The following MACROD2 variants were observed in gnomAD, a reference collection of about 807,000 sequenced individuals.
MACROD2 encodes mono-ADP ribosylhydrolase 2, also known as ADP-ribose glycohydrolase MACROD2.
MACROD2 carries 36 observed loss-of-function variants against 70.4 expected under a neutral mutation model. The observed-to-expected ratio is 0.51, with a 90% CI of 0.39 to 0.68. MACROD2 has a LOEUF of 0.68. Ranked by LOEUF, MACROD2 falls within the 30% of genes least tolerant of loss-of-function variation. The probability of loss-of-function intolerance (pLI) is 0.00; values close to 1 mark genes in which losing one functional copy is unlikely to be tolerated. For missense variants in MACROD2, 496 were observed against 538.4 expected, an observed-to-expected ratio of 0.92 and a Z score of 0.78; for synonymous variants, 172 against 178.8, an observed-to-expected ratio of 0.96 and a Z score of 0.30.
chr20:15,646,791 G>T (rs459103), intron 8 of MACROD2, among the ~76,000 whole-genome samples: 114,062 of 151,676 alleles, frequency 0.75, 43,505 homozygotes, highest in East Asian at 0.96. Context: ...CTCCTTCGCC[G>T]TCCACCATGA....
chr20:15,577,622 T>C (rs2048467079), intron 8 of MACROD2, among the ~76,000 whole-genome samples: 1 of 128,186 alleles, frequency 7.8e-6, no homozygotes, highest in South Asian at 2.3e-4. Flanking sequence ...CGTGCGTGCG[T>C]ACTCCCTGCG....
chr20:15,362,542 G>A (rs1398886492), intron 6 of MACROD2, among the ~76,000 whole-genome samples: 5 of 151,780 alleles, frequency 3.3e-5, no homozygotes, highest in Non-Finnish European at 5.9e-5. Context: ...TTCCTGCATC[G>A]ATACAATTTT....
intron 6 of MACROD2, among the ~76,000 whole-genome samples, chr20:15,365,660 CAAAAAA>C (rs34038906): frequency 9.4e-4 from 105 of 112,048 alleles, no homozygotes; most frequent in Middle Eastern, 0.01. Context: ...GGCTCTGTCT[CAAAAAA>C]AAAAAAAATT....
intron 3 of MACROD2, among the ~76,000 whole-genome samples, chr20:14,409,172 G>A (rs1261868716): frequency 8.3e-6 from 1 of 120,828 alleles, no homozygotes; most frequent in East Asian, 2.6e-4. Context: ...TTTTCCAAAC[G>A]TATCCCCTAG....
Position 15,394,003 on chromosome 20 carries a change from G to A in MACROD2, c.541-37402G>A, listed in dbSNP as rs371704874. ...ATATCTTAATAGTGATGCTGATGAAGAGAAAGAATAGAACAGATTTAAAGG... is the reference window on the plus strand; with the variant it reads ...ATATCTTAATAGTGATGCTGATGAAAAGAAAGAATAGAACAGATTTAAAGG... On this transcript the variant is annotated intron_variant, in intron 6 of 17. Transcript: ENST00000684519. Among the ~76,000 whole-genome samples the A allele has an allele frequency of 5.9e-5, 9 of 152,178 alleles. No homozygotes were observed. In the South Asian group the frequency reaches 6.2e-4, roughly 11 times the overall value.
At chr20:14,379,303 T>C (rs2083400648) in intron 3 of MACROD2, among the ~76,000 whole-genome samples, 1 of 152,188 alleles carries the variant, frequency 6.6e-6, no homozygotes, top group Non-Finnish European at 1.5e-5. Context: ...TTCCCATCTG[T>C]GTTATCAGGT....
At chr20:15,178,319 C>A (rs990276178) in intron 5 of MACROD2, among the ~76,000 whole-genome samples, 3 of 152,190 alleles carry the variant, frequency 2.0e-5, no homozygotes, top group Admixed American at 6.5e-5. Context: ...TCTAAAGTAA[C>A]CTTAGTAGTG....
At chr20:15,241,818 C>G (rs1244629046) in intron 6 of MACROD2, among the ~76,000 whole-genome samples, 2 of 149,504 alleles carry the variant, frequency 1.3e-5, no homozygotes, top group African/African-American at 4.9e-5. Context: ...CTTTAAATTC[C>G]TTGGGCTATT....
chr20:14,985,019 G>A (rs148697635), intron 5 of MACROD2, among the ~76,000 whole-genome samples: 14 of 152,260 alleles, frequency 9.2e-5, no homozygotes, highest in Middle Eastern at 3.4e-3. Flanking sequence ...GTGACCTTAC[G>A]TACTTCACAC....
chr20:15,212,292 C>A (rs2076770971), intron 5 of MACROD2, among the ~76,000 whole-genome samples: 1 of 152,082 alleles, frequency 6.6e-6, no homozygotes, highest in Non-Finnish European at 1.5e-5. Context: ...TTTAAACTTC[C>A]TTTCTTCTCA....
intron 5 of MACROD2, among the ~76,000 whole-genome samples, chr20:15,128,650 A>G (rs898868571): frequency 1.3e-5 from 2 of 152,064 alleles, no homozygotes; most frequent in Non-Finnish European, 2.9e-5. Context: ...TATATACATT[A>G]TCATTTGCTT....
At chr20:14,091,685 C>T (rs2148672918) in intron 3 of MACROD2, among the ~76,000 whole-genome samples, 1 of 151,964 alleles carries the variant, frequency 6.6e-6, no homozygotes, top group South Asian at 2.1e-4. Flanking sequence ...TTTAAGGTTG[C>T]CTTTTTTCAC....
rs572947164 is a variant in MACROD2, at chr20:14,577,204, CAA to C, written c.301+83698_301+83699del. Among the ~76,000 whole-genome samples the C allele has an allele frequency of 1.6e-4, 24 of 152,190 alleles. No individual in the cohort carries two copies. The East Asian group carries it at 4.6e-3, about 29-fold the overall frequency. Reference sequence around the variant, plus strand: ...AATCATTGAGGATATAATATTAAAACAAAGAGAGATTTTAAAATTCTAAAATG... The same window carrying C: ...AATCATTGAGGATATAATATTAAAACAGAGAGATTTTAAAATTCTAAAATG... On this transcript the variant is annotated intron_variant, in intron 4 of 17. Coordinates refer to ENST00000684519, the MANE Select transcript of MACROD2 (RefSeq NM_001351661.2).
At chr20:14,789,051 G>A (rs538660373) in intron 5 of MACROD2, among the ~76,000 whole-genome samples, 2 of 152,030 alleles carry the variant, frequency 1.3e-5, no homozygotes, top group East Asian at 3.9e-4. Flanking sequence ...TTACAGGCAT[G>A]AGCCACCACG....
rs542828883 is a variant in MACROD2, at chr20:15,562,706, A to G, written c.645+62859A>G. On this transcript the variant is annotated intron_variant, in intron 8 of 17. Transcript: ENST00000684519. Reference sequence around the variant, plus strand: ...GCTTTAATGAAGGACCACTTTAAAAAGTAGCTCCAGAGTAAGGCTGAAGTC... The same window carrying G: ...GCTTTAATGAAGGACCACTTTAAAAGGTAGCTCCAGAGTAAGGCTGAAGTC... Among the ~76,000 whole-genome samples the G allele has an allele frequency of 5.3e-5, 8 of 152,356 alleles. No homozygotes were observed. The East Asian group carries it at 9.6e-4, about 18-fold the overall frequency.
At chr20:15,749,490 T>C (rs1458111424) in intron 8 of MACROD2, among the ~76,000 whole-genome samples, 1 of 152,086 alleles carries the variant, frequency 6.6e-6, no homozygotes, top group Admixed American at 6.6e-5. Flanking sequence ...TGTATTGAAT[T>C]AAAAAAAGAA....
chr20:15,567,581 A>G (rs1240977427), intron 8 of MACROD2, among the ~76,000 whole-genome samples: 1 of 152,208 alleles, frequency 6.6e-6, no homozygotes, highest in Non-Finnish European at 1.5e-5. Flanking sequence ...TTTAATGATC[A>G]CTTCTGTAGT....
At chr20:15,534,123 G>A (rs751315157) in intron 8 of MACROD2, among the ~76,000 whole-genome samples, 1 of 152,134 alleles carries the variant, frequency 6.6e-6, no homozygotes, top group Non-Finnish European at 1.5e-5. Flanking sequence ...CTATATGTGT[G>A]ATGCATTATA....
chr20:15,252,510 C>T (rs934641788), intron 6 of MACROD2, among the ~76,000 whole-genome samples: 7 of 152,148 alleles, frequency 4.6e-5, no homozygotes, highest in Non-Finnish European at 8.8e-5. Context: ...AGAGAGAAGG[C>T]GGTTCTTAAA....
Sources: gnomAD v4.1 joint callset for allele counts (sites outside exome capture counted in the v4.1 genomes callset) on GRCh38, gnomAD v4.1.1 for gene constraint, MANE v1.5 for transcripts, NCBI Gene and HGNC (gene_info 2026-07-23, HGNC 2026-07-21) for gene names.